Variants in EFCAB11 observed in about 807,000 individuals in gnomAD.
The protein encoded by EFCAB11 is EF-hand calcium-binding domain-containing protein 11.
Under a neutral mutation model 23.0 loss-of-function variants are expected in EFCAB11, and 14 were observed. The observed-to-expected ratio is 0.61, with a 90% confidence interval of 0.40 to 0.95. EFCAB11 has a LOEUF of 0.95. Ranked by LOEUF, EFCAB11 falls within the 40% of genes least tolerant of loss-of-function variation. The pLI, the probability that EFCAB11 is intolerant of heterozygous loss-of-function variation, is 0.00. For synonymous variants in EFCAB11, 65 were observed against 66.6 expected, an observed-to-expected ratio of 0.98 and a Z score of 0.11; for missense variants, 198 against 195.8, an observed-to-expected ratio of 1.01 and a Z score of -0.07.
intron 3 of EFCAB11, among the ~76,000 whole-genome samples, chr14:89,933,747 G>A (rs1181340861): frequency 2.0e-5 from 3 of 152,154 alleles, no homozygotes; most frequent in Non-Finnish European, 4.4e-5. Context: ...TCATTACACA[G>A]GTTCAACTGC....
In EFCAB11 at chr14:89,932,566, C is replaced by T. The variant is rs752633763; in HGVS notation, c.279G>A (p.Arg93=). 5 of 1,613,788 alleles carry T rather than the reference C, an allele frequency of 3.1e-6. No homozygotes were observed. Among genetic ancestry groups the T allele is most frequent in the South Asian group, 1.1e-5 (1 of 91,050 alleles). ...VRKKKEAQRY[R]NEVRHIFTAF... ...CTGTGAAGATGTGTCTTACTTCGTT[C>T]CGATATCGTTGAGCTTCCTTCTTTT... The change falls in exon 4 of 6, where the codon CGG becomes CGA. Residue 93 remains arginine, a synonymous_variant. Coordinates refer to ENST00000316738, the MANE Select transcript of EFCAB11 (RefSeq NM_145231.4).
rs1339085979 is a variant in EFCAB11 at position 89,918,852 on chromosome 14, A to G, written c.410+12689T>C. On this transcript the variant is annotated intron_variant, in intron 5 of 5. Transcript: ENST00000316738. ...GGAGGGGTCAGTGGCAGGCATGTCA[A>G]CTACGTGCCATCCCTATAACAGGGA... Among the ~76,000 whole-genome samples the G allele has an allele frequency of 1.8e-4, 27 of 151,818 alleles. 1 individual carries two copies. Among genetic ancestry groups the G allele is most frequent in the Admixed American group, 1.7e-3 (26 of 15,226 alleles).
At chr14:89,887,336 A>G (rs1888821073) in intron 5 of EFCAB11, among the ~76,000 whole-genome samples, 1 of 152,210 alleles carries the variant, frequency 6.6e-6, no homozygotes, top group Non-Finnish European at 1.5e-5. Context: ...CAAAGATCTG[A>G]AATAGAAGGT....
At chr14:89,928,709 A>G (rs1429922643) in intron 5 of EFCAB11, among the ~76,000 whole-genome samples, 1 of 147,876 alleles carries the variant, frequency 6.8e-6, no homozygotes, top group East Asian at 1.9e-4. Context: ...ATATACAATT[A>G]TTAATAATAT....
intron 5 of EFCAB11, chr14:89,830,211 T>G (rs1759752960): frequency 6.6e-6 from 1 of 152,188 alleles, no homozygotes. Context: ...TTTGTCACAT[T>G]AAAAACTTTA....
chr14:89,903,911 T>C (rs764153416), intron 5 of EFCAB11, among the ~76,000 whole-genome samples: 2 of 152,162 alleles, frequency 1.3e-5, no homozygotes, highest in Non-Finnish European at 2.9e-5. Context: ...ATTCCTTTTT[T>C]TTATATATTT....
intron 3 of EFCAB11, among the ~76,000 whole-genome samples, chr14:89,933,939 A>G (rs1890485546): frequency 6.6e-6 from 1 of 152,212 alleles, no homozygotes. Flanking sequence ...AATGTTGGGA[A>G]GAAGAGCATT....
At position 89,932,195 on chromosome 14, in the gene EFCAB11, G is replaced by C. The variant is rs1307755956; in HGVS notation, c.319+331C>G. On this transcript the variant is annotated intron_variant, in intron 4 of 5. Transcript: ENST00000316738. ...ACCAATCATATGTAGGTCAGAGCAA[G>C]AGTTGATGAAGAAGCCACACGGTCT... Among the ~76,000 whole-genome samples the C allele has an allele frequency of 3.3e-5, 5 of 152,112 alleles. No individual in the cohort carries two copies. In the South Asian group the frequency reaches 1.0e-3, roughly 32 times the overall value.
chr14:89,928,318 A>G (rs1890258605), intron 5 of EFCAB11, among the ~76,000 whole-genome samples: 1 of 152,154 alleles, frequency 6.6e-6, no homozygotes, highest in Non-Finnish European at 1.5e-5. Flanking sequence ...TATTAATGGC[A>G]AATAACTTTC....
chr14:89,887,828 A>T (rs545746793), intron 5 of EFCAB11, among the ~76,000 whole-genome samples: 98 of 152,354 alleles, frequency 6.4e-4, no homozygotes, highest in African/African-American at 1.8e-3. Context: ...AAACATCTGT[A>T]TCATATTTCA....
At chr14:89,905,131 A>G (rs1356810548) in intron 5 of EFCAB11, among the ~76,000 whole-genome samples, 2 of 152,206 alleles carry the variant, frequency 1.3e-5, no homozygotes, top group Admixed American at 6.5e-5. Context: ...CAAACAATCT[A>G]CCACTGTATC....
At chr14:89,897,061 A>C (rs1418572760) in intron 5 of EFCAB11, among the ~76,000 whole-genome samples, 1 of 152,090 alleles carries the variant, frequency 6.6e-6, no homozygotes, top group Non-Finnish European at 1.5e-5. Flanking sequence ...ATTATAGATA[A>C]AACAAGGATA....
intron 5 of EFCAB11, among the ~76,000 whole-genome samples, chr14:89,811,195 A>T (rs1180566080): frequency 6.6e-6 from 1 of 152,030 alleles, no homozygotes; most frequent in Non-Finnish European, 1.5e-5. Flanking sequence ...AACTGAAAGA[A>T]GGCAAATGTA....
At chr14:89,911,710 G>A (rs1450623422) in intron 5 of EFCAB11, among the ~76,000 whole-genome samples, 2 of 152,238 alleles carry the variant, frequency 1.3e-5, no homozygotes, top group Admixed American at 6.5e-5. Context: ...TGGATGCTGG[G>A]AACAGAGTCC....
chr14:89,843,501 C>A (rs986058847), intron 5 of EFCAB11, among the ~76,000 whole-genome samples: 30 of 152,088 alleles, frequency 2.0e-4, no homozygotes, highest in African/African-American at 7.2e-4. Flanking sequence ...AAAAATATGG[C>A]CTCACATAGA....
At chr14:89,921,422 G>A (rs556574021) in intron 5 of EFCAB11, among the ~76,000 whole-genome samples, 1 of 152,282 alleles carries the variant, frequency 6.6e-6, no homozygotes, top group East Asian at 1.9e-4. Context: ...AAATAGAGAT[G>A]ATAATTTACT....
intron 5 of EFCAB11, among the ~76,000 whole-genome samples, chr14:89,911,779 C>A (rs1307866344): frequency 6.6e-6 from 1 of 152,186 alleles, no homozygotes; most frequent in Non-Finnish European, 1.5e-5. Context: ...TAGGTCAGAG[C>A]ACAGTTCTCC....
intron 3 of EFCAB11, among the ~76,000 whole-genome samples, chr14:89,936,276 GA>G (rs1310147378): frequency 1.3e-5 from 2 of 151,736 alleles, no homozygotes; most frequent in East Asian, 1.9e-4. Context: ...AATTCACAAG[GA>G]AAAAAAAGGA....
rs112459821 is a variant in EFCAB11, at chr14:89,801,177, A to C, written c.411-3853T>G. Among the ~76,000 whole-genome samples, 613 of 152,326 alleles carry C rather than the reference A, an allele frequency of 4.0e-3. 2 individuals carry two copies. Among genetic ancestry groups the C allele is most frequent in the African/African-American group, 0.014 (587 of 41,566 alleles). Reference sequence around the variant, plus strand: ...AGGGAGATGCCATATAAGAACAGTCATGAAATTCCCCAATGATGCGATGAT... The same window carrying C: ...AGGGAGATGCCATATAAGAACAGTCCTGAAATTCCCCAATGATGCGATGAT... On this transcript the variant is annotated intron_variant, in intron 5 of 5. Coordinates refer to ENST00000316738, the MANE Select transcript of EFCAB11 (RefSeq NM_145231.4).
Sources: gnomAD v4.1 joint callset for allele counts (sites outside exome capture counted in the v4.1 genomes callset) on GRCh38, gnomAD v4.1.1 for gene constraint, MANE v1.5 for transcripts, NCBI Gene and HGNC (gene_info 2026-07-23, HGNC 2026-07-21) for gene names.